Variants in WASHC1 observed in about 807,000 individuals in gnomAD.
WASHC1 encodes the protein WASH complex subunit 1, also known as CXYorf1-like protein on chromosome 9.
WASHC1 carries 11 observed loss-of-function variants against 26.1 expected under a neutral mutation model. That is an observed-to-expected ratio of 0.42 (90% CI 0.27 to 0.70). WASHC1 has a LOEUF of 0.70. Among genes scored for constraint, WASHC1 ranks in the 30% least tolerant of loss-of-function variants. The pLI is 0.24. For missense variants in WASHC1, 96 were observed against 304.9 expected (o/e 0.31, Z 5.10); for synonymous variants, 37 against 126.6 (o/e 0.29, Z 4.75).
exon 7 of WASHC1, chr9:17,137 G>C (rs112936603): frequency 7.9e-7 from 1 of 1,269,444 alleles, no homozygotes; most frequent in South Asian, 1.4e-5. Context: ...CCTGGCCCAG[G>C]TCTGGCACAT....
At chr9:15,799 A>G in intron 9 of WASHC1, 110 bp downstream of exon 9, 2 of 1,092,310 alleles carry the variant, frequency 1.8e-6, no homozygotes, top group South Asian at 3.0e-5. Flanking sequence ...AGCAGGGGCC[A>G]GCTGGCAGGA....
At chr9:14,911 C>T in exon 11 of WASHC1, 3 of 1,383,682 alleles carry the variant, frequency 2.2e-6, no homozygotes, top group South Asian at 2.5e-5. Context: ...CCGGGCCCCT[C>T]ACCAGCCCCA....
At chr9:14,798 T>C (rs1245285189) in exon 11 of WASHC1, 3 of 1,538,598 alleles carry the variant, frequency 1.9e-6, no homozygotes, top group Non-Finnish European at 2.7e-6. Context: ...GAAGGTGTCA[T>C]GGAGCCCCCT....
chr9:15,908 C>T lies in WASHC1; in HGVS notation c.1195+1G>A, dbSNP rs574389599. On this transcript the variant is annotated splice_donor_variant, in intron 9 of 10. Coordinates refer to ENST00000442898, the Ensembl canonical transcript of WASHC1. LOFTEE classifies it high-confidence loss of function. Reference sequence around the variant, plus strand: ...AACCGCAGGCTCCAGGGCCCGCTCACCTTGCTCCTGCTCCTTCTGCTGCTG... The same window carrying T: ...AACCGCAGGCTCCAGGGCCCGCTCATCTTGCTCCTGCTCCTTCTGCTGCTG... 12 of 1,404,606 alleles carry T rather than the reference C, an allele frequency of 8.5e-6. No individual in the cohort carries two copies. The African/African-American group carries it at 2.0e-4, about 24-fold the overall frequency. The allele number at this position is 1,404,606 out of a possible 1,614,324, so 87.0% of individuals were successfully genotyped here.
At position 15,084 on chromosome 9, in the gene WASHC1, TGC is replaced by T; in HGVS notation, c.1259_1260del (p.Arg420GlnfsTer12). 1.0e-6 allele frequency: 1 copy of T among 963,554 alleles called. No homozygotes were observed. The highest frequency in any genetic ancestry group is 2.6e-5 in the East Asian group (1 of 37,980). 59.7% of individuals were successfully genotyped at this position (963,554 alleles called of 1,614,324 possible). ...GGGCAGCGGCCCTGCCTCCTACCCT[TGC>T]GCCTCATGACCAGCTTGTTGAAGAG... On this transcript the variant is annotated frameshift_variant, in exon 10 of 11. Coordinates refer to ENST00000442898, the Ensembl canonical transcript of WASHC1. LOFTEE classifies it high-confidence loss of function.
chr9:16,115 C>A (rs1816288605), intron 8 of WASHC1, 54 bp from the exon 9 acceptor site: 1 of 657,312 alleles, frequency 1.5e-6, no homozygotes, highest in Non-Finnish European at 2.7e-6. Context: ...TCAGGCAGGG[C>A]TGGGGAAGCT....
intron 1 of WASHC1, chr9:28,650 T>G (rs1399155684): frequency 0.011 from 1,344 of 126,904 alleles, 9 homozygotes; most frequent in African/African-American, 0.042. Context: ...ATCCATTTTG[T>G]TAACTCTTCA....
chr9:22,569 AGCCCAC>A (rs1342927951), intron 2 of WASHC1, among the ~76,000 whole-genome samples: 2 of 97,144 alleles, frequency 2.1e-5, no homozygotes, highest in East Asian at 2.6e-4. Context: ...GACCCTGAGA[AGCCCAC>A]GCGGTTCATG....
intron 9 of WASHC1, 124 bp downstream of exon 9, chr9:15,785 G>A: frequency 1.0e-5 from 10 of 959,496 alleles, no homozygotes; most frequent in East Asian, 2.8e-5. Context: ...TGTGCCCTAG[G>A]GGAAGCAGGG....
rs1817592534 is a variant in WASHC1, at chr9:29,421, T to TC, written c.-6+180dup. ...TGCAGACCCTCTTCCTAGACCTCCGTCCTTTGTCCCATCGCTGCCTTCCCC... is the reference window on the plus strand; with the variant it reads ...TGCAGACCCTCTTCCTAGACCTCCGTCCCTTTGTCCCATCGCTGCCTTCCCC... On this transcript the variant is annotated intron_variant, in intron 1 of 10. The change abolishes the stop of an existing upstream ORF in the 5' untranslated region. Transcript: ENST00000442898. 1 of 128,586 alleles carries TC rather than the reference T, an allele frequency of 7.8e-6. No homozygotes were observed. Among genetic ancestry groups the TC allele is most frequent in the African/African-American group, 2.9e-5 (1 of 33,964 alleles). The allele number at this position is 128,586 out of a possible 1,614,324, so 8.0% of individuals were successfully genotyped here.
chr9:22,299 G>T (rs1817048383), intron 2 of WASHC1, among the ~76,000 whole-genome samples: 1 of 146,192 alleles, frequency 6.8e-6, no homozygotes, highest in South Asian at 2.1e-4. Flanking sequence ...AGGAAGCGGG[G>T]ACACAGGACA....
rs1414869346 is a variant in WASHC1, at chr9:20,688, G to A, written c.150-2196C>T. The stretch of plus-strand genomic sequence containing the variant: ...AAGAAATGTGAAGCCCAACATTTAG[G>A]TTTTAAAAATCAAGCGTATAAATAC... On this transcript the variant is annotated intron_variant, in intron 2 of 10. Coordinates refer to ENST00000442898, the Ensembl canonical transcript of WASHC1. 2.1e-5 allele frequency among the ~76,000 whole-genome samples: 2 copies of A among 94,016 alleles called. 1 individual carries two copies. Among genetic ancestry groups the A allele is most frequent in the Admixed American group, 2.0e-4 (2 of 10,152 alleles). The allele number at this position is 94,016 out of a possible 152,430, so 61.7% of individuals were successfully genotyped here. A position where few individuals can be genotyped will look rare whatever the true frequency, so the allele number is the denominator to read the frequency against.
At position 15,902 on chromosome 9, in the gene WASHC1, C is replaced by T. The variant is rs753973823; in HGVS notation, c.1195+7G>A. 5.4e-5 allele frequency: 75 copies of T among 1,397,914 alleles called. 6 individuals carry two copies. Among genetic ancestry groups the T allele is most frequent in the South Asian group, 4.3e-4 (34 of 79,436 alleles). 86.6% of individuals were successfully genotyped at this position (1,397,914 alleles called of 1,614,324 possible). A position where few individuals can be genotyped will look rare whatever the true frequency, so the allele number is the denominator to read the frequency against. ...CCCTCCAACCGCAGGCTCCAGGGCC[C>T]GCTCACCTTGCTCCTGCTCCTTCTG... On this transcript the variant is annotated splice_region_variant and intron_variant, in intron 9 of 10. Coordinates refer to ENST00000442898, the Ensembl canonical transcript of WASHC1.
Position 17,488 on chromosome 9 carries a change from G to GGT in WASHC1, c.546-10_546-9insAC. 1 of 662,364 alleles carries GGT rather than the reference G, an allele frequency of 1.5e-6. No homozygotes were observed. Among genetic ancestry groups the GGT allele is most frequent in the African/African-American group, 2.2e-5 (1 of 44,756 alleles). The allele number at this position is 662,364 out of a possible 1,614,324, so 41.0% of individuals were successfully genotyped here. On this transcript the variant is annotated splice_polypyrimidine_tract_variant and intron_variant, in intron 5 of 10. Transcript: ENST00000442898. ...AGACATACTTCTTGTACCTACGGAG[G>GGT]CGACATGGGGGTCAGGCAAGCTGAC...
At position 14,963 on chromosome 9, in the gene WASHC1, G is replaced by C. The variant is rs1816061609; in HGVS notation, c.1265-23C>G. On this transcript the variant is annotated intron_variant, in intron 10 of 10. Transcript: ENST00000442898. ...TGCCTGGAGGGAAAAGGCTGAGTGA[G>C]GGTGGTTGGTGGGAAACCCTGGTTC... 5 of 1,325,384 alleles carry C rather than the reference G, an allele frequency of 3.8e-6. No homozygotes were observed. The South Asian group carries it at 5.2e-5, about 14-fold the overall frequency. The allele number at this position is 1,325,384 out of a possible 1,614,324, so 82.1% of individuals were successfully genotyped here.
rs1817168841 is a variant in WASHC1 at position 23,726 on chromosome 9, G to A, written c.149+1125C>T. On this transcript the variant is annotated intron_variant, in intron 2 of 10. Transcript: ENST00000442898. ...GGGTCTACCATGTGAGACATGGTGT[G>A]GGATCCTGGGAAGGAGACCAAGCCT... 1.5e-5 allele frequency among the ~76,000 whole-genome samples: 2 copies of A among 130,992 alleles called. 1 individual carries two copies. The highest frequency in any genetic ancestry group is 6.6e-5 in the African/African-American group (2 of 30,270). The allele number at this position is 130,992 out of a possible 152,430, so 85.9% of individuals were successfully genotyped here.
At chr9:24,186 CG>C (rs1236745107) in intron 2 of WASHC1, among the ~76,000 whole-genome samples, 7 of 61,208 alleles carry the variant, frequency 1.1e-4, no homozygotes, top group African/African-American at 6.5e-4. Flanking sequence ...CTACATAACC[CG>C]GGGCCATGAT....
exon 11 of WASHC1, chr9:14,776 G>C (rs1816006690): frequency 6.6e-7 from 1 of 1,520,250 alleles, no homozygotes; most frequent in East Asian, 2.3e-5. Flanking sequence ...GCCCAAGTCT[G>C]GGTCTGGGGG....
chr9:23,620 C>T (rs1322306852), intron 2 of WASHC1, among the ~76,000 whole-genome samples: 1,494 of 114,060 alleles, frequency 0.013, 39 homozygotes, highest in African/African-American at 0.062. Context: ...CCAGGTCTGG[C>T]GACAACCAGG....
Sources: gnomAD v4.1 joint callset for allele counts (sites outside exome capture counted in the v4.1 genomes callset) on GRCh38, gnomAD v4.1.1 for gene constraint, MANE v1.5 for transcripts, NCBI Gene and HGNC (gene_info 2026-07-23, HGNC 2026-07-21) for gene names.